The following ANKIB1 variants were observed in gnomAD, a reference collection of about 807,000 sequenced individuals.
ANKIB1 encodes the protein ankyrin repeat and IBR domain containing 1.
A neutral mutation model predicts 122.1 loss-of-function variants in ANKIB1; 43 were observed. The observed-to-expected ratio is 0.35, with a 90% CI of 0.28 to 0.45. The LOEUF is 0.45. ANKIB1 is among the 20% of genes least tolerant of loss of function. ANKIB1 has a pLI of 1.00. For missense variants in ANKIB1, 992 were observed against 1,329.5 expected (o/e 0.75, Z 3.95); for synonymous variants, 390 against 442.0 (o/e 0.88, Z 1.48).
intron 11 of ANKIB1, among the ~76,000 whole-genome samples, chr7:92,371,942 G>C (rs1035734688): frequency 4.1e-5 from 6 of 145,286 alleles, no homozygotes; most frequent in Admixed American, 7.0e-5. Flanking sequence ...TGAGAGTCTT[G>C]AGAGAGGGGT....
At chr7:92,285,789 T>G (rs1162595831) in intron 1 of ANKIB1, among the ~76,000 whole-genome samples, 2 of 152,218 alleles carry the variant, frequency 1.3e-5, no homozygotes, top group Non-Finnish European at 2.9e-5. Context: ...AAAATTAAGT[T>G]GAGAATGTTA....
chr7:92,372,066 T>G (rs900376625), intron 11 of ANKIB1, among the ~76,000 whole-genome samples: 1 of 150,822 alleles, frequency 6.6e-6, no homozygotes, highest in African/African-American at 2.4e-5. Context: ...AAGCTGGTTT[T>G]GGAGCGTACG....
At chr7:92,320,073 A>G (rs1802874198) in intron 4 of ANKIB1, 2 of 152,308 alleles carry the variant, frequency 1.3e-5, no homozygotes, top group Non-Finnish European at 2.9e-5. Context: ...CTCCTACTAC[A>G]AGACTCCAGT....
chr7:92,295,035 G>C lies in ANKIB1; in HGVS notation c.57G>C (p.Leu19=), dbSNP rs192300742. 2 of 1,605,990 alleles carry C rather than the reference G, an allele frequency of 1.2e-6. No homozygotes were observed. The highest frequency in any genetic ancestry group is 2.2e-5 in the South Asian group (2 of 88,918). ...RKALINGDEN[L]ACQIYENNPQ... is the part of the protein sequence containing the mutation. ...CACTCATCAATGGTGATGAAAACCT[G>C]GCCTGCCAAATATATGAAAACAATC... Residue 19 remains leucine (L), a synonymous_variant, in exon 2 of 20, where the codon CTG becomes CTC. Transcript: ENST00000265742.
At chr7:92,345,443 G>A (rs2374563) in intron 7 of ANKIB1, among the ~76,000 whole-genome samples, 73,147 of 151,950 alleles carry the variant, frequency 0.48, 17,826 homozygotes, top group East Asian at 0.56. Context: ...TGACAACCAA[G>A]TTGCCTTGAA....
chr7:92,294,180 A>T (rs1238183371), intron 1 of ANKIB1, among the ~76,000 whole-genome samples: 1 of 152,204 alleles, frequency 6.6e-6, no homozygotes, highest in Admixed American at 6.5e-5. Context: ...TGCCCATGTG[A>T]TGATTATCAT....
chr7:92,271,362 G>A lies in ANKIB1; in HGVS notation c.-90-23527G>A, dbSNP rs571920623. Among the ~76,000 whole-genome samples, 3 of 152,214 alleles carry A rather than the reference G, an allele frequency of 2.0e-5. No individual in the cohort carries two copies. In the South Asian group the frequency reaches 6.2e-4, roughly 32 times the overall value. The stretch of plus-strand genomic sequence containing the variant: ...ATAGGACCCTGTCTTAATTCTTGTG[G>A]TTTAGAGTAAGACTTAAGATCAATT... On this transcript the variant is annotated intron_variant, in intron 1 of 19. Coordinates refer to ENST00000265742, the MANE Select transcript of ANKIB1 (RefSeq NM_019004.2).
At chr7:92,272,403 G>C (rs1295887953) in intron 1 of ANKIB1, among the ~76,000 whole-genome samples, 2 of 152,204 alleles carry the variant, frequency 1.3e-5, no homozygotes, top group African/African-American at 4.8e-5. Context: ...CAACCTTGTC[G>C]AAGGAGAGAG....
At chr7:92,282,092 TG>T (rs1415583325) in intron 1 of ANKIB1, among the ~76,000 whole-genome samples, 2 of 152,148 alleles carry the variant, frequency 1.3e-5, no homozygotes, top group Non-Finnish European at 2.9e-5. Flanking sequence ...AAAATATGAT[TG>T]ATTTAGGTTT....
At chr7:92,339,849 T>C (rs1803398739) in intron 5 of ANKIB1, among the ~76,000 whole-genome samples, 2 of 152,072 alleles carry the variant, frequency 1.3e-5, no homozygotes, top group Non-Finnish European at 2.9e-5. Flanking sequence ...TCATTTTTTC[T>C]ATCAATAGTT....
chr7:92,247,023 C>G (rs901573789), intron 1 of ANKIB1, among the ~76,000 whole-genome samples: 1 of 145,182 alleles, frequency 6.9e-6, no homozygotes, highest in African/African-American at 2.9e-5. Flanking sequence ...CCCCTGTATT[C>G]TTATTCTTCT....
intron 4 of ANKIB1, 84 bp downstream of exon 4, chr7:92,319,596 C>A: frequency 7.5e-7 from 1 of 1,341,166 alleles, no homozygotes. Flanking sequence ...CTTTAAAACT[C>A]AGTTTGTGTG....
chr7:92,332,110 G>A (rs1271159680), intron 5 of ANKIB1, among the ~76,000 whole-genome samples: 2 of 152,232 alleles, frequency 1.3e-5, no homozygotes, highest in South Asian at 4.1e-4. Context: ...TAAAAGCATT[G>A]TTCTGTATTT....
At chr7:92,392,316 T>C (rs1804802785) in intron 17 of ANKIB1, 24 bp downstream of exon 17, 2 of 1,603,976 alleles carry the variant, frequency 1.2e-6, no homozygotes, top group Admixed American at 3.4e-5. Flanking sequence ...GGGGTTTTTG[T>C]TTTTGTATTT....
chr7:92,283,257 T>C (rs1046283622), intron 1 of ANKIB1, among the ~76,000 whole-genome samples: 6 of 152,332 alleles, frequency 3.9e-5, no homozygotes, highest in African/African-American at 1.4e-4. Context: ...AAAAGTGAAT[T>C]TTAATTCTGG....
intron 1 of ANKIB1, among the ~76,000 whole-genome samples, chr7:92,257,186 CGAAAA>C: frequency 7.2e-6 from 1 of 138,968 alleles, no homozygotes; most frequent in South Asian, 2.2e-4. Flanking sequence ...GACTCTGTCT[CGAAAA>C]GAAAAAAAAA....
intron 10 of ANKIB1, 41 bp downstream of exon 10, chr7:92,362,314 T>C (rs1436039792): frequency 1.3e-5 from 20 of 1,521,010 alleles, no homozygotes; most frequent in Non-Finnish European, 1.7e-5. Context: ...TATTTCCTGA[T>C]AGCATTCAAA....
At chr7:92,389,236 C>G (rs1804732534) in intron 14 of ANKIB1, among the ~76,000 whole-genome samples, 1 of 152,164 alleles carries the variant, frequency 6.6e-6, no homozygotes, top group African/African-American at 2.4e-5. Flanking sequence ...AGTTTGTGTA[C>G]ACATACTGAA....
rs1801467594 is a variant in ANKIB1 at position 92,257,237 on chromosome 7, T to G, written c.-91+10718T>G. ...AAAAGAAAAAAAAGAAAAGAAAAAT[T>G]GTTACAATGAAGAAGTCGTTATGAA... On this transcript the variant is annotated intron_variant, in intron 1 of 19. Coordinates refer to ENST00000265742, the MANE Select transcript of ANKIB1 (RefSeq NM_019004.2). Among the ~76,000 whole-genome samples, 3 of 151,464 alleles carry G rather than the reference T, an allele frequency of 2.0e-5. No individual in the cohort carries two copies. In the South Asian group the frequency reaches 6.3e-4, roughly 32 times the overall value.
Sources: allele counts gnomAD v4.1 joint callset (sites outside exome capture counted in the v4.1 genomes callset), GRCh38; gene constraint gnomAD v4.1.1; transcripts MANE v1.5; gene names NCBI Gene and HGNC (gene_info 2026-07-23, HGNC 2026-07-21).